The following ST6GALNAC3 variants were observed in gnomAD, a reference collection of about 807,000 sequenced individuals.
The protein encoded by ST6GALNAC3 is ST6 N-acetylgalactosaminide alpha-2,6-sialyltransferase 3, also known as alpha-N-acetylgalactosaminide alpha-2,6-sialyltransferase 3.
A neutral mutation model predicts 32.7 loss-of-function variants in ST6GALNAC3; 25 were observed. That is an observed-to-expected ratio of 0.76 (90% CI 0.56 to 1.07). The LOEUF (loss-of-function observed/expected upper bound fraction) is 1.07, where lower values mean the gene tolerates loss of function less well. Among genes scored for constraint, ST6GALNAC3 ranks in the 50% least tolerant of loss-of-function variants. The probability of loss-of-function intolerance (pLI) is 0.00; values close to 1 mark genes in which losing one functional copy is unlikely to be tolerated. For missense variants in ST6GALNAC3, 355 were observed against 382.4 expected (o/e 0.93, Z 0.60); for synonymous variants, 129 against 133.1 (o/e 0.97, Z 0.21).
At chr1:76,130,073 G>A (rs1051780865) in intron 1 of ST6GALNAC3, among the ~76,000 whole-genome samples, 6 of 152,176 alleles carry the variant, frequency 3.9e-5, no homozygotes, top group African/African-American at 1.4e-4. Context: ...ACTTGTTTTG[G>A]ACAGGCTCTG....
chr1:76,090,542 G>T (rs1014051777), intron 1 of ST6GALNAC3, among the ~76,000 whole-genome samples: 1 of 152,174 alleles, frequency 6.6e-6, no homozygotes, highest in East Asian at 1.9e-4. Context: ...AAAGATGCAC[G>T]TAAGATGATC....
intron 3 of ST6GALNAC3, among the ~76,000 whole-genome samples, chr1:76,598,758 G>C (rs972628681): frequency 4.0e-5 from 6 of 151,802 alleles, no homozygotes; most frequent in Non-Finnish European, 8.8e-5. Context: ...AAAATGGTAA[G>C]CCTCCGTTAG....
At chr1:76,140,600 G>A (rs1436769729) in intron 1 of ST6GALNAC3, among the ~76,000 whole-genome samples, 1 of 149,854 alleles carries the variant, frequency 6.7e-6, no homozygotes, top group Non-Finnish European at 1.5e-5. Context: ...CAAAGACTGG[G>A]GCTCTTTCTT....
chr1:76,315,240 G>C (rs1027254766), intron 2 of ST6GALNAC3, among the ~76,000 whole-genome samples: 2 of 152,026 alleles, frequency 1.3e-5, no homozygotes, highest in African/African-American at 4.8e-5. Context: ...TCTTTGAGGA[G>C]AGTTTGTCTC....
chr1:76,591,181 A>G (rs1022524472), intron 3 of ST6GALNAC3, among the ~76,000 whole-genome samples: 10 of 149,642 alleles, frequency 6.7e-5, no homozygotes, highest in Admixed American at 4.0e-4. Flanking sequence ...CTGTGTGCGT[A>G]TGTGTGTGTG....
At chr1:76,145,979 C>T (rs1570180497) in intron 1 of ST6GALNAC3, among the ~76,000 whole-genome samples, 1 of 152,296 alleles carries the variant, frequency 6.6e-6, no homozygotes, top group East Asian at 1.9e-4. Flanking sequence ...CAAATGAACA[C>T]AAATGGCTTA....
chr1:76,108,785 G>A (rs1647715084), intron 1 of ST6GALNAC3, among the ~76,000 whole-genome samples: 1 of 150,940 alleles, frequency 6.6e-6, no homozygotes, highest in South Asian at 2.1e-4. Context: ...GGTGTAGTGG[G>A]TTAAGTATTT....
intron 1 of ST6GALNAC3, among the ~76,000 whole-genome samples, chr1:76,238,488 C>T (rs984520999): frequency 2.6e-5 from 4 of 152,106 alleles, no homozygotes; most frequent in African/African-American, 9.7e-5. Context: ...GTATTTTTCC[C>T]GCTATGCCCA....
At chr1:76,378,993 C>T (rs535117355) in intron 2 of ST6GALNAC3, among the ~76,000 whole-genome samples, 14 of 152,230 alleles carry the variant, frequency 9.2e-5, no homozygotes, top group African/African-American at 2.9e-4. Flanking sequence ...GCCGCCCGAG[C>T]GGCAAGTGAT....
At chr1:76,572,114 C>T (rs1005921458) in intron 3 of ST6GALNAC3, among the ~76,000 whole-genome samples, 42 of 151,756 alleles carry the variant, frequency 2.8e-4, no homozygotes, top group Admixed American at 2.0e-3. Flanking sequence ...GCTATCATTC[C>T]TTTTTTTTCC....
chr1:76,506,635 A>G (rs1571451824), intron 3 of ST6GALNAC3, among the ~76,000 whole-genome samples: 2 of 152,302 alleles, frequency 1.3e-5, no homozygotes, highest in Non-Finnish European at 2.9e-5. Flanking sequence ...ACACATTTAT[A>G]CTTGAAGGTA....
chr1:76,373,512 T>A (rs1442635948), intron 2 of ST6GALNAC3, among the ~76,000 whole-genome samples: 1 of 152,200 alleles, frequency 6.6e-6, no homozygotes, highest in Non-Finnish European at 1.5e-5. Flanking sequence ...CTTCTACACC[T>A]TGAAGGGTAG....
chr1:76,561,936 T>C (rs1261999503), intron 3 of ST6GALNAC3, among the ~76,000 whole-genome samples: 2 of 152,190 alleles, frequency 1.3e-5, no homozygotes, highest in Non-Finnish European at 2.9e-5. Context: ...AAAATACAGA[T>C]ACATGGTACA....
At chr1:76,439,210 G>A (rs974360103) in intron 3 of ST6GALNAC3, among the ~76,000 whole-genome samples, 1 of 152,160 alleles carries the variant, frequency 6.6e-6, no homozygotes, top group Non-Finnish European at 1.5e-5. Flanking sequence ...CCAAGGGAGG[G>A]CATGAAATGG....
chr1:76,217,643 G>A (rs535243351), intron 1 of ST6GALNAC3, among the ~76,000 whole-genome samples: 12 of 152,280 alleles, frequency 7.9e-5, no homozygotes, highest in Admixed American at 2.6e-4. Flanking sequence ...TGTACCCAAT[G>A]TGTAGTCTTT....
chr1:76,442,299 G>A (rs565009980), intron 3 of ST6GALNAC3, among the ~76,000 whole-genome samples: 1 of 152,298 alleles, frequency 6.6e-6, no homozygotes, highest in South Asian at 2.1e-4. Flanking sequence ...TGATGTGTAT[G>A]TAAGGACTAC....
rs374993082 is a variant in ST6GALNAC3, at chr1:76,467,970, C to T, written c.623+55553C>T. Among the ~76,000 whole-genome samples, 6 of 151,908 alleles carry T rather than the reference C, an allele frequency of 3.9e-5. 1 individual carries two copies. Among genetic ancestry groups the T allele is most frequent in the African/African-American group, 1.4e-4 (6 of 41,494 alleles). ...CAGTGAGGAGCTTGCATTTAAGTGCCAAATATTGGTATTTATGTATATGAA... is the reference window on the plus strand; with the variant it reads ...CAGTGAGGAGCTTGCATTTAAGTGCTAAATATTGGTATTTATGTATATGAA... On this transcript the variant is annotated intron_variant, in intron 3 of 4. Transcript: ENST00000328299.
At chr1:76,336,867 G>A (rs1323127993) in intron 2 of ST6GALNAC3, among the ~76,000 whole-genome samples, 1 of 152,186 alleles carries the variant, frequency 6.6e-6, no homozygotes, top group African/African-American at 2.4e-5. Context: ...AATCCACATC[G>A]CCTGCCATCC....
chr1:76,131,596 A>G (rs1035236136), intron 1 of ST6GALNAC3, among the ~76,000 whole-genome samples: 12 of 152,318 alleles, frequency 7.9e-5, no homozygotes, highest in Middle Eastern at 3.4e-3. Context: ...TTGGCCTGCA[A>G]TAGTCCAAGC....
Sources: allele counts gnomAD v4.1 joint callset (sites outside exome capture counted in the v4.1 genomes callset), GRCh38; gene constraint gnomAD v4.1.1; transcripts MANE v1.5; gene names NCBI Gene and HGNC (gene_info 2026-07-23, HGNC 2026-07-21).